Variants in KLHL2 observed in about 807,000 individuals in gnomAD.
KLHL2 encodes the protein kelch-like protein 2.
A neutral mutation model predicts 75.8 loss-of-function variants in KLHL2; 15 were observed. The observed-to-expected ratio is 0.20, with a 90% CI of 0.13 to 0.30. The LOEUF (loss-of-function observed/expected upper bound fraction) is 0.30. Ranked by LOEUF, KLHL2 falls within the 10% of genes least tolerant of loss-of-function variation. The probability of loss-of-function intolerance (pLI) is 1.00; values close to 1 mark genes in which losing one functional copy is unlikely to be tolerated. For synonymous variants in KLHL2, 214 were observed against 251.9 expected (o/e 0.85, Z 1.42); for missense variants, 381 against 741.0 (o/e 0.51, Z 5.64).
At chr4:165,249,371 A>T (rs1236026375) in intron 4 of KLHL2, among the ~76,000 whole-genome samples, 8 of 152,218 alleles carry the variant, frequency 5.3e-5, no homozygotes, top group Non-Finnish European at 7.3e-5. Context: ...TGTTTACATT[A>T]TCCGGTGTGC....
At chr4:165,238,222 C>A (rs1400013075) in intron 3 of KLHL2, among the ~76,000 whole-genome samples, 1 of 152,190 alleles carries the variant, frequency 6.6e-6, no homozygotes, top group Non-Finnish European at 1.5e-5. Flanking sequence ...GCCTTGCATT[C>A]TCTAAGCATC....
intron 5 of KLHL2, 47 bp downstream of exon 5, chr4:165,263,406 T>C (rs757039256): frequency 1.2e-6 from 2 of 1,601,706 alleles, no homozygotes; most frequent in Admixed American, 3.4e-5. Flanking sequence ...ACTGCTTGGT[T>C]TTTGATATGA....
chr4:165,246,340 G>C (rs368434743), intron 4 of KLHL2, among the ~76,000 whole-genome samples: 4 of 152,164 alleles, frequency 2.6e-5, no homozygotes, highest in Admixed American at 6.5e-5. Context: ...TGTAGACTAT[G>C]ATAAGGAGGT....
At chr4:165,311,880 T>G (rs923065631) in intron 11 of KLHL2, among the ~76,000 whole-genome samples, 1 of 151,536 alleles carries the variant, frequency 6.6e-6, no homozygotes, top group African/African-American at 2.4e-5. Context: ...TTGACTTATA[T>G]AACACGTGTG....
intron 5 of KLHL2, among the ~76,000 whole-genome samples, chr4:165,267,961 G>A (rs1192604397): frequency 6.6e-6 from 1 of 152,036 alleles, no homozygotes; most frequent in Non-Finnish European, 1.5e-5. Context: ...TTGGTTAATA[G>A]GCTATTAATG....
chr4:165,318,532 T>C (rs1278924359), intron 14 of KLHL2, among the ~76,000 whole-genome samples: 5 of 152,196 alleles, frequency 3.3e-5, no homozygotes, highest in Admixed American at 1.3e-4. Flanking sequence ...TGTAACAAAA[T>C]TGATCCAATA....
chr4:165,210,128 G>A, intron 1 of KLHL2: 1 of 1,551,668 alleles, frequency 6.4e-7, no homozygotes, highest in Non-Finnish European at 8.7e-7. Flanking sequence ...AGATGACCTG[G>A]ACTTAAAGTG....
intron 8 of KLHL2, among the ~76,000 whole-genome samples, chr4:165,301,616 C>T (rs1348542743): frequency 6.6e-6 from 1 of 152,156 alleles, no homozygotes; most frequent in African/African-American, 2.4e-5. Context: ...TATTTGGTGT[C>T]AGTTTTTGTT....
chr4:165,298,991 G>A (rs1429850492), intron 7 of KLHL2, among the ~76,000 whole-genome samples: 3 of 130,896 alleles, frequency 2.3e-5, no homozygotes, highest in Non-Finnish European at 4.6e-5. Flanking sequence ...CCTGTCCTGC[G>A]TTTGAGGTCA....
At chr4:165,302,128 TG>T (rs1200328961) in intron 8 of KLHL2, among the ~76,000 whole-genome samples, 1 of 152,170 alleles carries the variant, frequency 6.6e-6, no homozygotes, top group Admixed American at 6.5e-5. Context: ...GGGTGGTGGG[TG>T]GGGCAGCAGA....
At position 165,265,899 on chromosome 4, in the gene KLHL2, GTC is replaced by G. The variant is rs201559407; in HGVS notation, c.544+2542_544+2543del. Among the ~76,000 whole-genome samples the G allele has an allele frequency of 7.0e-4, 107 of 152,308 alleles. 2 individuals carry two copies. The East Asian group carries it at 0.02, about 29-fold the overall frequency. On this transcript the variant is annotated intron_variant, in intron 5 of 14. Transcript: ENST00000226725. The stretch of plus-strand genomic sequence containing the variant: ...TAGATCCTTGAGGAATTGCCACACT[GTC>G]TTCCACGATGGTTGAACTAATTTAC...
intron 5 of KLHL2, among the ~76,000 whole-genome samples, chr4:165,266,843 C>G (rs1256204963): frequency 6.6e-6 from 1 of 151,942 alleles, no homozygotes; most frequent in Admixed American, 6.5e-5. Context: ...GTAGTTTTTT[C>G]CAATTCTGTG....
intron 5 of KLHL2, among the ~76,000 whole-genome samples, chr4:165,281,727 T>C (rs1441336871): frequency 2.0e-5 from 3 of 152,154 alleles, no homozygotes; most frequent in Non-Finnish European, 4.4e-5. Context: ...CTTTAGAGAG[T>C]AATGAGCATA....
chr4:165,302,120 G>A (rs1437206897), intron 8 of KLHL2, among the ~76,000 whole-genome samples: 1 of 152,184 alleles, frequency 6.6e-6, no homozygotes, highest in Non-Finnish European at 1.5e-5. Flanking sequence ...CTCTATCAGG[G>A]TGGTGGGTGG....
At chr4:165,241,222 A>C (rs1054097774) in intron 4 of KLHL2, among the ~76,000 whole-genome samples, 2 of 152,216 alleles carry the variant, frequency 1.3e-5, no homozygotes, top group African/African-American at 2.4e-5. Context: ...TGGAAAAGGC[A>C]GTTGAGAAAT....
chr4:165,285,788 T>TAAAAG (rs57813481), intron 5 of KLHL2, among the ~76,000 whole-genome samples: 70,171 of 149,860 alleles, frequency 0.47, 17,281 homozygotes, highest in African/African-American at 0.6. Context: ...AATCACATAA[T>TAAAAG]AGAGGGAGGG....
At chr4:165,270,801 T>C (rs904266117) in intron 5 of KLHL2, among the ~76,000 whole-genome samples, 22 of 152,182 alleles carry the variant, frequency 1.4e-4, no homozygotes, top group African/African-American at 5.1e-4. Flanking sequence ...GAGGAGGCAG[T>C]TTGTCCCTTC....
chr4:165,313,989 C>G, intron 12 of KLHL2, 37 bp from the exon 13 acceptor site: 1 of 1,586,186 alleles, frequency 6.3e-7, no homozygotes, highest in Non-Finnish European at 8.6e-7. Flanking sequence ...ATCTCTTGTT[C>G]TTTTTGCCCC....
chr4:165,279,286 C>CT (rs755695687), intron 5 of KLHL2: 1 of 1,542,446 alleles, frequency 6.5e-7, no homozygotes, highest in South Asian at 1.1e-5. Flanking sequence ...CAACGGTAGA[C>CT]TGTGTTCTTA....
Sources: gnomAD v4.1 joint callset for allele counts (sites outside exome capture counted in the v4.1 genomes callset) on GRCh38, gnomAD v4.1.1 for gene constraint, MANE v1.5 for transcripts, NCBI Gene and HGNC (gene_info 2026-07-23, HGNC 2026-07-21) for gene names.